The following PLGRKT variants were observed in gnomAD, a reference collection of about 807,000 sequenced individuals.
The protein encoded by PLGRKT is plasminogen receptor with a C-terminal lysine.
Under a neutral mutation model 18.5 loss-of-function variants are expected in PLGRKT, and 22 were observed. The ratio of observed to expected loss-of-function variants is 1.19; its 90% CI spans 0.85 to 1.70. The LOEUF (loss-of-function observed/expected upper bound fraction) is 1.70. Ranked by LOEUF, PLGRKT falls within the 40% of genes most tolerant of loss-of-function variation. The probability of loss-of-function intolerance (pLI) is 0.00; values close to 1 mark genes in which losing one functional copy is unlikely to be tolerated. For synonymous variants in PLGRKT, 72 were observed against 52.8 expected (o/e 1.36, Z -1.58); for missense variants, 235 against 174.4 (o/e 1.35, Z -1.96).
chr9:5,387,666 C>CT (rs895906336), intron 3 of PLGRKT, among the ~76,000 whole-genome samples: 23 of 129,680 alleles, frequency 1.8e-4, no homozygotes, highest in Non-Finnish European at 3.9e-4. Flanking sequence ...AGGAAGCCTC[C>CT]TGCGGGGGGG....
At chr9:5,410,353 T>C (rs941899093) in intron 3 of PLGRKT, among the ~76,000 whole-genome samples, 29 of 152,076 alleles carry the variant, frequency 1.9e-4, no homozygotes, top group African/African-American at 7.0e-4. Context: ...CTAGGCAACA[T>C]GGTGAAACCC....
At chr9:5,401,118 C>A (rs941653157) in intron 3 of PLGRKT, among the ~76,000 whole-genome samples, 5 of 151,794 alleles carry the variant, frequency 3.3e-5, no homozygotes, top group African/African-American at 1.2e-4. Flanking sequence ...TTTGCCGGGA[C>A]AGGTGGCCAA....
At chr9:5,372,353 C>T (rs977742252) in intron 3 of PLGRKT, among the ~76,000 whole-genome samples, 1 of 152,090 alleles carries the variant, frequency 6.6e-6, no homozygotes, top group Non-Finnish European at 1.5e-5. Flanking sequence ...TACATATATT[C>T]ATATTCTAAT....
At chr9:5,432,765 T>C (rs1036247126) in intron 2 of PLGRKT, among the ~76,000 whole-genome samples, 17 of 152,332 alleles carry the variant, frequency 1.1e-4, no homozygotes, top group Middle Eastern at 3.4e-3. Flanking sequence ...CCCGAGGTGC[T>C]GGGATTGCAG....
chr9:5,407,923 T>C (rs1206604128), intron 3 of PLGRKT, among the ~76,000 whole-genome samples: 2 of 152,210 alleles, frequency 1.3e-5, no homozygotes, highest in African/African-American at 4.8e-5. Context: ...TAGCATTTAA[T>C]GCTGCCATTT....
chr9:5,397,448 G>A (rs558753953), intron 3 of PLGRKT, among the ~76,000 whole-genome samples: 78 of 151,898 alleles, frequency 5.1e-4, no homozygotes, highest in South Asian at 3.9e-3. Flanking sequence ...GGCTGTATAT[G>A]AGCAGTGACT....
chr9:5,424,410 A>G (rs1161865894), intron 3 of PLGRKT, among the ~76,000 whole-genome samples: 1 of 129,918 alleles, frequency 7.7e-6, no homozygotes, highest in Non-Finnish European at 1.5e-5. Flanking sequence ...TATATTATAT[A>G]TTAACATATA....
chr9:5,361,401 C>G (rs1393356632), intron 4 of PLGRKT, among the ~76,000 whole-genome samples: 1 of 152,148 alleles, frequency 6.6e-6, no homozygotes. Context: ...CTGTGACTTG[C>G]TCATCTTTAT....
At chr9:5,358,404 C>G in intron 5 of PLGRKT, 44 bp from the exon 6 acceptor site, 2 of 1,597,746 alleles carry the variant, frequency 1.3e-6, no homozygotes, top group Non-Finnish European at 8.6e-7. Flanking sequence ...AAGGGGTCAT[C>G]AGCAATTTGT....
chr9:5,433,426 C>G (rs77765376), intron 2 of PLGRKT, among the ~76,000 whole-genome samples: 1 of 149,694 alleles, frequency 6.7e-6, no homozygotes, highest in Non-Finnish European at 1.5e-5. Context: ...GCTGCCCCAT[C>G]TGGGAAGTGA....
chr9:5,392,321 T>G (rs1439963783), intron 3 of PLGRKT: 1 of 151,972 alleles, frequency 6.6e-6, no homozygotes, highest in East Asian at 1.9e-4. Flanking sequence ...GAACTGCCAT[T>G]GACAATCAGT....
chr9:5,436,795 A>G (rs1331382559), intron 1 of PLGRKT, 101 bp from the exon 2 acceptor site: 1 of 152,236 alleles, frequency 6.6e-6, no homozygotes, highest in Non-Finnish European at 1.5e-5. Flanking sequence ...TGGCAAAGTC[A>G]TTTCCCAAAG....
intron 1 of PLGRKT, chr9:5,437,579 G>C (rs748858036): frequency 5.3e-5 from 8 of 152,262 alleles, no homozygotes; most frequent in Non-Finnish European, 1.0e-4. Context: ...GAGAGATCCG[G>C]AGTCCACGCC....
chr9:5,366,390 C>A (rs1817387272), intron 3 of PLGRKT, among the ~76,000 whole-genome samples: 1 of 151,982 alleles, frequency 6.6e-6, no homozygotes, highest in African/African-American at 2.4e-5. Flanking sequence ...AAATGTAGAC[C>A]TTTTATAATA....
chr9:5,424,945 G>C (rs1818667646), intron 3 of PLGRKT, among the ~76,000 whole-genome samples: 1 of 151,712 alleles, frequency 6.6e-6, no homozygotes, highest in African/African-American at 2.4e-5. Context: ...GTATTTTTTG[G>C]TTTATAGCTA....
intron 3 of PLGRKT, among the ~76,000 whole-genome samples, chr9:5,411,400 G>A (rs9987609): frequency 0.49 from 67,475 of 137,036 alleles, 17,163 homozygotes; most frequent in South Asian, 0.57. Context: ...AAAAAAAAAA[G>A]AAAAGAAAAG....
At chr9:5,405,388 T>C (rs1054167020) in intron 3 of PLGRKT, among the ~76,000 whole-genome samples, 2 of 152,332 alleles carry the variant, frequency 1.3e-5, no homozygotes, top group East Asian at 1.9e-4. Context: ...CAAAACAGCA[T>C]GGTACTGGTA....
Position 5,418,611 on chromosome 9 carries a change from G to T in PLGRKT, c.81+13286C>A. 1.4e-6 allele frequency: 1 copy of T among 730,744 alleles called. No individual in the cohort carries two copies. Among genetic ancestry groups the T allele is most frequent in the Admixed American group, 1.8e-5 (1 of 54,410 alleles). The allele number at this position is 730,744 out of a possible 1,614,324, so 45.3% of individuals were successfully genotyped here. On this transcript the variant is annotated intron_variant, in intron 3 of 5. Coordinates refer to ENST00000223864, the MANE Select transcript of PLGRKT (RefSeq NM_018465.4). The surrounding 1 kb of genome is among the most constrained non-coding windows in gnomAD (Gnocchi z 4.2). ...CAGTGACGGACTTCTGCCGGTTCCT[G>T]GGCAGCAGGTGGCGGCTCATATCTC...
At chr9:5,371,457 G>A (rs138069193) in intron 3 of PLGRKT, among the ~76,000 whole-genome samples, 2 of 152,276 alleles carry the variant, frequency 1.3e-5, no homozygotes, top group East Asian at 1.9e-4. Context: ...TAACTCTCAC[G>A]AGATCTGATG....
Sources: allele counts gnomAD v4.1 joint callset (sites outside exome capture counted in the v4.1 genomes callset), GRCh38; gene constraint gnomAD v4.1.1; non-coding constraint Gnocchi (gnomAD v3.1); transcripts MANE v1.5; gene names NCBI Gene and HGNC (gene_info 2026-07-23, HGNC 2026-07-21).